Variants in DHRS7B observed in about 807,000 individuals in gnomAD.
DHRS7B encodes the protein dehydrogenase/reductase 7B.
Under a neutral mutation model 26.4 loss-of-function variants are expected in DHRS7B, and 24 were observed. The ratio of observed to expected loss-of-function variants is 0.91; its 90% confidence interval spans 0.66 to 1.28. DHRS7B has a LOEUF of 1.28. Among genes scored for constraint, DHRS7B ranks in the 50% most tolerant of loss-of-function variants. The probability of loss-of-function intolerance (pLI) is 0.00; values close to 1 mark genes in which losing one functional copy is unlikely to be tolerated. For synonymous variants in DHRS7B, 142 were observed against 166.4 expected (o/e 0.85, Z 1.13); for missense variants, 368 against 419.4 (o/e 0.88, Z 1.07).
intron 1 of DHRS7B, among the ~76,000 whole-genome samples, chr17:21,154,671 CAG>C (rs1188135626): frequency 2.6e-5 from 4 of 152,086 alleles, no homozygotes; most frequent in Non-Finnish European, 5.9e-5. Context: ...ATTGACCTAA[CAG>C]ATAAAAGTTT....
At chr17:21,140,813 G>A (rs147603039) in intron 1 of DHRS7B, among the ~76,000 whole-genome samples, 314 of 152,192 alleles carry the variant, frequency 2.1e-3, no homozygotes, top group African/African-American at 7.0e-3. Context: ...GGCAAGTAGA[G>A]GTGCCATAAA....
At chr17:21,150,454 T>C (rs1973745667) in intron 1 of DHRS7B, among the ~76,000 whole-genome samples, 1 of 152,032 alleles carries the variant, frequency 6.6e-6, no homozygotes, top group Non-Finnish European at 1.5e-5. Flanking sequence ...CCGTCTCTAC[T>C]ACAAATACAA....
intron 1 of DHRS7B, among the ~76,000 whole-genome samples, chr17:21,148,154 A>G (rs1325620560): frequency 6.6e-6 from 1 of 152,068 alleles, no homozygotes; most frequent in East Asian, 1.9e-4. Flanking sequence ...GGCTCAAGCA[A>G]TCCTCCCACC....
intron 5 of DHRS7B, among the ~76,000 whole-genome samples, chr17:21,184,998 C>T (rs1398961601): frequency 1.3e-5 from 2 of 152,102 alleles, no homozygotes; most frequent in Non-Finnish European, 2.9e-5. Context: ...CCTTTCAATA[C>T]AGTAATCCAT....
intron 5 of DHRS7B, among the ~76,000 whole-genome samples, chr17:21,186,515 C>T (rs1039562663): frequency 2.6e-5 from 4 of 152,246 alleles, no homozygotes; most frequent in African/African-American, 9.6e-5. Flanking sequence ...CAACTGTGCC[C>T]CAAACCAATG....
At chr17:21,130,338 G>A (rs1344582069) in intron 1 of DHRS7B, among the ~76,000 whole-genome samples, 3 of 152,124 alleles carry the variant, frequency 2.0e-5, no homozygotes, top group Admixed American at 6.5e-5. Context: ...GCAATGAGTC[G>A]AGATTGTGTC....
At chr17:21,143,063 G>A (rs1328351256) in intron 1 of DHRS7B, among the ~76,000 whole-genome samples, 1 of 152,190 alleles carries the variant, frequency 6.6e-6, no homozygotes, top group African/African-American at 2.4e-5. Flanking sequence ...TGAGCAGCTA[G>A]GATTACAGGC....
chr17:21,147,739 G>C (rs1305183613), intron 1 of DHRS7B, among the ~76,000 whole-genome samples: 1 of 152,192 alleles, frequency 6.6e-6, no homozygotes, highest in Non-Finnish European at 1.5e-5. Context: ...TCAAGTGCCT[G>C]AAGGGAGAAA....
chr17:21,179,414 A>G (rs1048181013), intron 3 of DHRS7B, among the ~76,000 whole-genome samples: 1 of 152,138 alleles, frequency 6.6e-6, no homozygotes, highest in African/African-American at 2.4e-5. Context: ...AGCCTGGCCA[A>G]CATGACGAAA....
rs540369378 is a variant in DHRS7B, at chr17:21,178,682, G to A, written c.309+340G>A. On this transcript the variant is annotated intron_variant, in intron 3 of 6. Transcript: ENST00000395511. ...GTTTTTTTTTTTTTTTTTGGGACACGGAGTCTCGCTCTGTCACCCAGGCTG... is the reference window on the plus strand; with the variant it reads ...GTTTTTTTTTTTTTTTTTGGGACACAGAGTCTCGCTCTGTCACCCAGGCTG... Among the ~76,000 whole-genome samples, 7 of 149,120 alleles carry A rather than the reference G, an allele frequency of 4.7e-5. 1 individual carries two copies. The South Asian group carries it at 1.1e-3, about 23-fold the overall frequency.
intron 1 of DHRS7B, chr17:21,127,423 A>C (rs1228846196): frequency 5.7e-6 from 1 of 175,128 alleles, no homozygotes; most frequent in East Asian, 1.6e-4. Context: ...CACCTTAGCC[A>C]GTGACGGCGA....
At chr17:21,170,189 C>T (rs1330435194) in intron 1 of DHRS7B, among the ~76,000 whole-genome samples, 2 of 152,142 alleles carry the variant, frequency 1.3e-5, no homozygotes, top group African/African-American at 4.8e-5. Context: ...TCCCTCCTTC[C>T]CCTAGGAAAC....
In DHRS7B at chr17:21,138,089, T is replaced by TAC. The variant is rs1567616081; in HGVS notation, c.20+11099_20+11100insCA. On this transcript the variant is annotated intron_variant, in intron 1 of 6. Transcript: ENST00000395511. ...TTTAAAAAAAAAATATATATATATATATATATATATATACACACACACACA... is the reference window on the plus strand; with the variant it reads ...TTTAAAAAAAAAATATATATATATATACATATATATATATACACACACACACA... 1.8e-3 allele frequency among the ~76,000 whole-genome samples: 103 copies of TAC among 57,522 alleles called. 1 individual carries two copies. Among genetic ancestry groups the TAC allele is most frequent in the African/African-American group, 6.7e-3 (88 of 13,134 alleles). 37.7% of individuals were successfully genotyped at this position (57,522 alleles called of 152,430 possible).
intron 1 of DHRS7B, among the ~76,000 whole-genome samples, chr17:21,131,261 G>C (rs1304769210): frequency 6.6e-6 from 1 of 152,178 alleles, no homozygotes; most frequent in African/African-American, 2.4e-5. Flanking sequence ...CCACTTTTAT[G>C]GTCATTTCCT....
chr17:21,172,553 G>T, intron 2 of DHRS7B: 1 of 348,704 alleles, frequency 2.9e-6, no homozygotes, highest in Non-Finnish European at 5.4e-6. Context: ...TTCCAAATAT[G>T]GACAGCTAAC....
chr17:21,160,105 C>T (rs1017348107), intron 1 of DHRS7B, among the ~76,000 whole-genome samples: 4 of 151,940 alleles, frequency 2.6e-5, no homozygotes, highest in African/African-American at 9.7e-5. Flanking sequence ...CCTGTATTCC[C>T]AGCATTTTGG....
intron 5 of DHRS7B, among the ~76,000 whole-genome samples, chr17:21,188,185 T>G (rs760827952): frequency 4.6e-5 from 7 of 152,186 alleles, no homozygotes; most frequent in Non-Finnish European, 8.8e-5. Flanking sequence ...GACTTAAAGT[T>G]GCAGGAACAG....
At chr17:21,153,602 G>T (rs1359521977) in intron 1 of DHRS7B, among the ~76,000 whole-genome samples, 1 of 152,182 alleles carries the variant, frequency 6.6e-6, no homozygotes, top group Non-Finnish European at 1.5e-5. Flanking sequence ...TAAAAAAACA[G>T]AAATGTCTTA....
chr17:21,174,752 C>A (rs1974336137), intron 2 of DHRS7B, among the ~76,000 whole-genome samples: 1 of 152,182 alleles, frequency 6.6e-6, no homozygotes, highest in South Asian at 2.1e-4. Flanking sequence ...ATGTATTGGT[C>A]AGGACAAGAC....
Sources: gnomAD v4.1 joint callset for allele counts (sites outside exome capture counted in the v4.1 genomes callset) on GRCh38, gnomAD v4.1.1 for gene constraint, MANE v1.5 for transcripts, NCBI Gene and HGNC (gene_info 2026-07-23, HGNC 2026-07-21) for gene names.